DLG2: variants seen among roughly 807,000 people sequenced by gnomAD.
DLG2 encodes the protein discs large MAGUK scaffold protein 2.
DLG2 carries 45 observed loss-of-function variants against 132.5 expected under a neutral mutation model. That is an observed-to-expected ratio of 0.34 (90% CI 0.27 to 0.44). The LOEUF (loss-of-function observed/expected upper bound fraction) is 0.44, where lower values mean the gene tolerates loss of function less well. Ranked by LOEUF, DLG2 falls within the 20% of genes least tolerant of loss-of-function variation. The probability of loss-of-function intolerance (pLI) is 1.00; values close to 1 mark genes in which losing one functional copy is unlikely to be tolerated. For missense variants in DLG2, 1,045 were observed against 1,196.9 expected (o/e 0.87, Z 1.87); for synonymous variants, 424 against 419.6 (o/e 1.01, Z -0.13).
chr11:84,673,806 G>A (rs779702107), intron 6 of DLG2, among the ~76,000 whole-genome samples: 55 of 151,942 alleles, frequency 3.6e-4, no homozygotes, highest in Non-Finnish European at 6.5e-4. Flanking sequence ...AACTTATAGG[G>A]ACTTCCTCAT....
At chr11:85,182,597 AAG>A (rs2079792366) in intron 4 of DLG2, among the ~76,000 whole-genome samples, 1 of 151,562 alleles carries the variant, frequency 6.6e-6, no homozygotes, top group Non-Finnish European at 1.5e-5. Context: ...GGAGAAAAGA[AAG>A]AGAAAGAGAA....
chr11:83,616,271 C>T (rs949843279), intron 19 of DLG2, among the ~76,000 whole-genome samples: 1 of 152,110 alleles, frequency 6.6e-6, no homozygotes, highest in African/African-American at 2.4e-5. Flanking sequence ...AGGGATAGAT[C>T]ATAGGGTATA....
chr11:85,601,367 G>T (rs1261887896), intron 2 of DLG2, among the ~76,000 whole-genome samples: 1 of 151,270 alleles, frequency 6.6e-6, no homozygotes, highest in African/African-American at 2.4e-5. Flanking sequence ...TTGAGATGGA[G>T]TCTCACTTTG....
chr11:84,606,379 C>A (rs1678648217), intron 6 of DLG2, among the ~76,000 whole-genome samples: 1 of 152,046 alleles, frequency 6.6e-6, no homozygotes, highest in African/African-American at 2.4e-5. Context: ...ATAAACAACA[C>A]ACACACACAT....
At chr11:83,812,318 T>C (rs1026213539) in intron 17 of DLG2, among the ~76,000 whole-genome samples, 1 of 152,138 alleles carries the variant, frequency 6.6e-6, no homozygotes, top group South Asian at 2.1e-4. Context: ...TGTGGTTGTG[T>C]TTAACAGTAA....
rs1246872830 is a variant in DLG2 at position 85,626,298 on chromosome 11, G to A, written c.-93+289C>T. Among the ~76,000 whole-genome samples the A allele has an allele frequency of 5.9e-5, 9 of 152,234 alleles. No individual in the cohort carries two copies. The East Asian group carries it at 1.7e-3, about 29-fold the overall frequency. ...ACTGCTTAAAAGTAACCTTCAACAA[G>A]CTAAGAAAACAAGCTAAAGGAGACT... On this transcript the variant is annotated intron_variant, in intron 2 of 27. Coordinates refer to ENST00000376104, the MANE Select transcript of DLG2 (RefSeq NM_001142699.3).
intron 18 of DLG2, among the ~76,000 whole-genome samples, chr11:83,714,328 G>A (rs1272761162): frequency 6.6e-6 from 1 of 151,758 alleles, no homozygotes; most frequent in Non-Finnish European, 1.5e-5. Flanking sequence ...AAGAAGGAAT[G>A]GTGGGGAGAC....
intron 3 of DLG2, among the ~76,000 whole-genome samples, chr11:85,404,898 AACTTAT>A (rs1416360033): frequency 6.6e-6 from 1 of 151,956 alleles, no homozygotes; most frequent in African/African-American, 2.4e-5. Context: ...CGTGTTTTAT[AACTTAT>A]ACACTCAAAT....
chr11:84,550,956 T>C (rs1234131426), intron 6 of DLG2, among the ~76,000 whole-genome samples: 2 of 152,162 alleles, frequency 1.3e-5, no homozygotes, highest in Non-Finnish European at 2.9e-5. Context: ...CTGTCCTTTC[T>C]ATGGGAAGAC....
chr11:84,533,694 C>T (rs2099348181), intron 7 of DLG2, among the ~76,000 whole-genome samples: 1 of 151,716 alleles, frequency 6.6e-6, no homozygotes, highest in African/African-American at 2.4e-5. Flanking sequence ...TGTAGCACAG[C>T]TGTGTAGAAG....
chr11:84,349,324 C>T (rs576964309), intron 7 of DLG2, among the ~76,000 whole-genome samples: 2 of 152,188 alleles, frequency 1.3e-5, no homozygotes, highest in East Asian at 1.9e-4. Flanking sequence ...CACCCCCTGC[C>T]CCCACCTTCT....
chr11:85,023,725 GA>G (rs1486814692), intron 6 of DLG2, among the ~76,000 whole-genome samples: 1 of 151,906 alleles, frequency 6.6e-6, no homozygotes, highest in East Asian at 1.9e-4. Context: ...GGATATCAGA[GA>G]ATATTCTATA....
intron 4 of DLG2, among the ~76,000 whole-genome samples, chr11:85,249,990 C>T (rs1032774136): frequency 2.0e-5 from 3 of 152,136 alleles, no homozygotes; most frequent in African/African-American, 4.8e-5. Context: ...AGACCTCAAA[C>T]TCTGGTGTAA....
intron 15 of DLG2, among the ~76,000 whole-genome samples, chr11:83,888,926 T>C (rs370402080): frequency 3.9e-4 from 59 of 152,266 alleles, no homozygotes; most frequent in East Asian, 1.7e-3. Context: ...AAACTGGATC[T>C]CTTCCTTACA....
intron 3 of DLG2, among the ~76,000 whole-genome samples, chr11:85,466,098 T>C (rs1395819236): frequency 6.6e-6 from 1 of 152,266 alleles, no homozygotes; most frequent in East Asian, 1.9e-4. Context: ...ACTACATAAA[T>C]GTCTTCTTTT....
chr11:83,753,883 TCATATA>T, intron 18 of DLG2, among the ~76,000 whole-genome samples: 1 of 79,160 alleles, frequency 1.3e-5, no homozygotes, highest in African/African-American at 1.0e-4. Context: ...ATGATATATA[TCATATA>T]TATCATATAT....
chr11:84,054,481 C>T (rs141794706), intron 11 of DLG2, among the ~76,000 whole-genome samples: 5 of 152,076 alleles, frequency 3.3e-5, no homozygotes, highest in African/African-American at 9.6e-5. Flanking sequence ...ATGCAGACAC[C>T]CCAGGTGCTT....
chr11:83,908,818 C>A (rs569579321), intron 15 of DLG2, among the ~76,000 whole-genome samples: 1 of 152,082 alleles, frequency 6.6e-6, no homozygotes, highest in Non-Finnish European at 1.5e-5. Context: ...ACTGTAACCT[C>A]GAACTCCTAG....
chr11:84,169,094 TA>T (rs71066097), intron 8 of DLG2, among the ~76,000 whole-genome samples: 5,159 of 152,258 alleles, frequency 0.034, 129 homozygotes, highest in Non-Finnish European at 0.054. Context: ...CTTAATCTCT[TA>T]AAACCTCAAT....
Sources: allele counts gnomAD v4.1 joint callset (sites outside exome capture counted in the v4.1 genomes callset), GRCh38; gene constraint gnomAD v4.1.1; transcripts MANE v1.5; gene names NCBI Gene and HGNC (gene_info 2026-07-23, HGNC 2026-07-21).